The following RADIL variants were observed in gnomAD, a reference collection of about 807,000 sequenced individuals.
The protein encoded by RADIL is ras-associating and dilute domain-containing protein.
A neutral mutation model predicts 97.6 loss-of-function variants in RADIL; 99 were observed. The ratio of observed to expected loss-of-function variants is 1.01; its 90% confidence interval spans 0.86 to 1.20. RADIL has a LOEUF of 1.20. Among genes scored for constraint, RADIL ranks in the 50% most tolerant of loss-of-function variants. RADIL has a pLI of 0.00. For synonymous variants in RADIL, 803 were observed against 691.8 expected (o/e 1.16, Z -2.52); for missense variants, 1,765 against 1,498.9 (o/e 1.18, Z -2.93).
At chr7:4,876,505 TG>T (rs928241500) in intron 2 of RADIL, among the ~76,000 whole-genome samples, 1 of 152,136 alleles carries the variant, frequency 6.6e-6, no homozygotes, top group Non-Finnish European at 1.5e-5. Context: ...TTCACCATGT[TG>T]GCCAGGCTGG....
rs535665263 is a variant in RADIL at position 4,872,825 on chromosome 7, C to G, written c.535+4780G>C. On this transcript the variant is annotated intron_variant, in intron 2 of 14. Coordinates refer to ENST00000399583, the MANE Select transcript of RADIL (RefSeq NM_018059.5). The surrounding 1 kb of genome is among the most constrained non-coding windows in gnomAD (Gnocchi z 5.8). ...GGAAGCGCCTGGCTGACACCTTCCC[C>G]ACCAGACTCTGTAGGGGAGTCCGAG... 4.9e-4 allele frequency among the ~76,000 whole-genome samples: 75 copies of G among 152,220 alleles called. No homozygotes were observed. Among genetic ancestry groups the G allele is most frequent in the Non-Finnish European group, 9.6e-4 (65 of 68,040 alleles).
intron 2 of RADIL, chr7:4,859,540 T>A (rs528724649): frequency 1.8e-4 from 38 of 209,800 alleles, no homozygotes; most frequent in African/African-American, 7.9e-4. Context: ...GTAAAGGAAG[T>A]TACCAAATGA....
intron 9 of RADIL, among the ~76,000 whole-genome samples, chr7:4,812,203 A>G (rs1037535888): frequency 2.0e-5 from 3 of 152,176 alleles, no homozygotes; most frequent in Admixed American, 6.5e-5. Flanking sequence ...TAAAGCATGC[A>G]GGACCATTCA....
intron 2 of RADIL, among the ~76,000 whole-genome samples, chr7:4,864,376 C>G (rs891032075): frequency 6.6e-6 from 1 of 152,254 alleles, no homozygotes; most frequent in African/African-American, 2.4e-5. Context: ...TTTCTCCTCA[C>G]TGCATGTACA....
At position 4,883,237 on chromosome 7, in the gene RADIL, C is replaced by T. The variant is rs1224832192; in HGVS notation, c.-65+359G>A. 2.0e-5 allele frequency among the ~76,000 whole-genome samples: 3 copies of T among 151,970 alleles called. No individual in the cohort carries two copies. Among genetic ancestry groups the T allele is most frequent in the Non-Finnish European group, 4.4e-5 (3 of 67,946 alleles). On this transcript the variant is annotated intron_variant, in intron 1 of 14. Transcript: ENST00000399583. This position sits in a 1 kb window ranked among gnomAD's most constrained non-coding sequence, Gnocchi z 7.1. ...CGAAGCTCCCCCTCCAGGGCACAGCCGGGAAAACTGAGGGCCGAGAGTCCC... is the reference window on the plus strand; with the variant it reads ...CGAAGCTCCCCCTCCAGGGCACAGCTGGGAAAACTGAGGGCCGAGAGTCCC...
chr7:4,865,719 G>C (rs879172985), intron 2 of RADIL: 27 of 1,045,962 alleles, frequency 2.6e-5, no homozygotes, highest in African/African-American at 5.6e-5. Flanking sequence ...CATCTTCTAC[G>C]GGGTGGGTGC....
chr7:4,840,799 T>A lies in RADIL; in HGVS notation c.536-4194A>T, dbSNP rs1003155976. Among the ~76,000 whole-genome samples the A allele has an allele frequency of 6.6e-6, 1 of 152,174 alleles. No homozygotes were observed. The highest frequency in any genetic ancestry group is 2.4e-5 in the African/African-American group (1 of 41,444). On this transcript the variant is annotated intron_variant, in intron 2 of 14. Coordinates refer to ENST00000399583, the MANE Select transcript of RADIL (RefSeq NM_018059.5). The surrounding 1 kb of genome is among the most constrained non-coding windows in gnomAD (Gnocchi z 5.6). ...CTGGCCAACATGGTGAAACCCCGTC[T>A]GTACTAAAAATACAAAACTTAGCTG...
rs532138768 is a variant in RADIL, at chr7:4,880,384, C to T, written c.-64-2181G>A. ...AGACAGTGCTCACATCACAAACGTG[C>T]GGCCTGGCCTGTGCACACCACACCA... On this transcript the variant is annotated intron_variant, in intron 1 of 14. Coordinates refer to ENST00000399583, the MANE Select transcript of RADIL (RefSeq NM_018059.5). This position sits in a 1 kb window ranked among gnomAD's most constrained non-coding sequence, Gnocchi z 4.5. 2.6e-5 allele frequency among the ~76,000 whole-genome samples: 4 copies of T among 152,314 alleles called. No homozygotes were observed. Among genetic ancestry groups the T allele is most frequent in the East Asian group, 3.9e-4 (2 of 5,184 alleles).
chr7:4,838,839 C>T (rs1356008541), intron 2 of RADIL, among the ~76,000 whole-genome samples: 2 of 152,260 alleles, frequency 1.3e-5, no homozygotes, highest in African/African-American at 4.8e-5. Flanking sequence ...AATACTGGCA[C>T]AGCCGTGGGC....
intron 4 of RADIL, among the ~76,000 whole-genome samples, chr7:4,833,746 G>A (rs80104964): frequency 0.015 from 2,253 of 152,228 alleles, 31 homozygotes; most frequent in Middle Eastern, 0.027. Flanking sequence ...GAACAACTAC[G>A]AGTTGTCCTT....
intron 5 of RADIL, among the ~76,000 whole-genome samples, chr7:4,831,030 A>AAC (rs1783125148): frequency 6.6e-6 from 1 of 151,728 alleles, no homozygotes; most frequent in African/African-American, 2.4e-5. Context: ...CAAAAAAAAA[A>AAC]AAAATACAAA....
At position 4,837,871 on chromosome 7, in the gene RADIL, C is replaced by T. The variant is rs948197102; in HGVS notation, c.536-1266G>A. 1.6e-5 allele frequency: 16 copies of T among 985,320 alleles called. No homozygotes were observed. The African/African-American group carries it at 2.3e-4, about 14-fold the overall frequency. The allele number at this position is 985,320 out of a possible 1,614,324, so 61.0% of individuals were successfully genotyped here. A position where few individuals can be genotyped will look rare whatever the true frequency, so the allele number is the denominator to read the frequency against. The stretch of plus-strand genomic sequence containing the variant: ...GGCGCTGTCTTTTCTGAGCCCTCTG[C>T]TGAGTTCCCTGTACGCAGCCTTTCA... On this transcript the variant is annotated intron_variant, in intron 2 of 14. Transcript: ENST00000399583. This position sits in a 1 kb window ranked among gnomAD's most constrained non-coding sequence, Gnocchi z 5.6.
chr7:4,855,360 C>T (rs1334177990), intron 2 of RADIL, among the ~76,000 whole-genome samples: 3 of 151,878 alleles, frequency 2.0e-5, no homozygotes, highest in Non-Finnish European at 4.4e-5. Flanking sequence ...CGGCTGTGGT[C>T]CCACAGACTC....
At chr7:4,812,423 T>C (rs1237826509) in intron 9 of RADIL, among the ~76,000 whole-genome samples, 2 of 151,968 alleles carry the variant, frequency 1.3e-5, no homozygotes, top group Non-Finnish European at 2.9e-5. Context: ...TCTATTTTTA[T>C]TTTATTATTA....
chr7:4,878,868 G>A lies in RADIL; in HGVS notation c.-64-665C>T, dbSNP rs1197437145. 1.3e-5 allele frequency among the ~76,000 whole-genome samples: 2 copies of A among 152,226 alleles called. No individual in the cohort carries two copies. Among genetic ancestry groups the A allele is most frequent in the African/African-American group, 2.4e-5 (1 of 41,474 alleles). ...GCGGGCAGCCCAAGGGCAAAGCTTC[G>A]CCTCTCCGTAAACCTCGTGTCTCCT... On this transcript the variant is annotated intron_variant, in intron 1 of 14. Coordinates refer to ENST00000399583, the MANE Select transcript of RADIL (RefSeq NM_018059.5). The surrounding 1 kb of genome is among the most constrained non-coding windows in gnomAD (Gnocchi z 4.1).
intron 11 of RADIL, among the ~76,000 whole-genome samples, chr7:4,802,884 TG>T: frequency 1.0e-5 from 1 of 96,006 alleles, no homozygotes; most frequent in East Asian, 3.4e-4. Context: ...GCACTCTGGC[TG>T]GGGGGCCCCC....
intron 5 of RADIL, among the ~76,000 whole-genome samples, chr7:4,831,892 CA>C (rs1554262917): frequency 5.3e-5 from 8 of 150,332 alleles, no homozygotes; most frequent in Admixed American, 2.0e-4. Context: ...CAAAACAAAA[CA>C]AAAACAAACA....
intron 5 of RADIL, among the ~76,000 whole-genome samples, chr7:4,829,893 G>A (rs990022278): frequency 1.3e-5 from 2 of 152,056 alleles, no homozygotes; most frequent in Admixed American, 6.5e-5. Context: ...ACCCAGTCTC[G>A]GATATGTCTT....
chr7:4,860,041 T>G lies in RADIL; in HGVS notation c.535+17564A>C, dbSNP rs767038059. On this transcript the variant is annotated intron_variant, in intron 2 of 14. Coordinates refer to ENST00000399583, the MANE Select transcript of RADIL (RefSeq NM_018059.5). ...AGACAGCGTGAGGAATACTTTCGTT[T>G]AATGCAACCCCTGAACTTTCATTGG... The G allele has an allele frequency of 1.6e-5, 26 of 1,613,920 alleles. No homozygotes were observed. Among genetic ancestry groups the G allele is most frequent in the Non-Finnish European group, 2.2e-5 (26 of 1,179,894 alleles).
Sources: gnomAD v4.1 joint callset for allele counts (sites outside exome capture counted in the v4.1 genomes callset) on GRCh38, gnomAD v4.1.1 for gene constraint, Gnocchi (gnomAD v3.1) non-coding constraint, MANE v1.5 for transcripts, NCBI Gene and HGNC (gene_info 2026-07-23, HGNC 2026-07-21) for gene names.